Variants in ZNF385B observed in about 807,000 individuals in gnomAD.
The protein encoded by ZNF385B is zinc finger protein 533.
A neutral mutation model predicts 39.2 loss-of-function variants in ZNF385B; 23 were observed. That is an observed-to-expected ratio of 0.59 (90% confidence interval 0.42 to 0.83). The LOEUF is 0.83. ZNF385B is among the 40% of genes least tolerant of loss of function. ZNF385B has a pLI of 0.00. For synonymous variants in ZNF385B, 205 were observed against 222.6 expected (o/e 0.92, Z 0.70); for missense variants, 552 against 598.9 (o/e 0.92, Z 0.82).
At chr2:179,820,889 A>T (rs1707359189) in intron 1 of ZNF385B, among the ~76,000 whole-genome samples, 1 of 152,164 alleles carries the variant, frequency 6.6e-6, no homozygotes, top group African/African-American at 2.4e-5. Flanking sequence ...AAGACATTAA[A>T]ACCTTAATGA....
chr2:179,448,668 GA>G (rs1224769693), intron 6 of ZNF385B, among the ~76,000 whole-genome samples: 2 of 152,092 alleles, frequency 1.3e-5, no homozygotes, highest in African/African-American at 4.8e-5. Flanking sequence ...TCTTAAAGAT[GA>G]GGAAACTGAG....
intron 1 of ZNF385B, among the ~76,000 whole-genome samples, chr2:179,802,232 C>T (rs887233588): frequency 6.6e-6 from 1 of 152,034 alleles, no homozygotes; most frequent in African/African-American, 2.4e-5. Context: ...AAATAGACAG[C>T]CCTCTTCACA....
At chr2:179,607,908 C>CTTTTT (rs71029822) in intron 3 of ZNF385B, among the ~76,000 whole-genome samples, 11 of 97,460 alleles carry the variant, frequency 1.1e-4, no homozygotes, top group Non-Finnish European at 1.8e-4. Flanking sequence ...CTCAGAAACT[C>CTTTTT]TTTTTTTTTT....
intron 3 of ZNF385B, among the ~76,000 whole-genome samples, chr2:179,754,337 G>C (rs1382058654): frequency 6.6e-6 from 1 of 152,202 alleles, no homozygotes; most frequent in East Asian, 1.9e-4. Context: ...CGGTGTGCCA[G>C]TATTTTATTG....
chr2:179,732,965 A>G (rs1216777340), intron 3 of ZNF385B, among the ~76,000 whole-genome samples: 1 of 152,172 alleles, frequency 6.6e-6, no homozygotes, highest in Non-Finnish European at 1.5e-5. Flanking sequence ...TTCATTTCCA[A>G]CACAAAGCTG....
At chr2:179,733,072 T>C (rs575291762) in intron 3 of ZNF385B, among the ~76,000 whole-genome samples, 1 of 152,318 alleles carries the variant, frequency 6.6e-6, no homozygotes, top group Admixed American at 6.5e-5. Flanking sequence ...TGTACAATCA[T>C]GAATTCTTGC....
chr2:179,777,504 A>C (rs184747139), intron 1 of ZNF385B, among the ~76,000 whole-genome samples: 2,568 of 152,242 alleles, frequency 0.017, 39 homozygotes, highest in South Asian at 0.024. Context: ...CTATAAACAA[A>C]TACTATTAGG....
chr2:179,485,296 C>G (rs2105609717), intron 5 of ZNF385B, among the ~76,000 whole-genome samples: 1 of 152,290 alleles, frequency 6.6e-6, no homozygotes, highest in African/African-American at 2.4e-5. Context: ...CTGCCCTTTG[C>G]TTAAGTGGAA....
Position 179,787,650 on chromosome 2 carries a change from C to A in ZNF385B, c.-154-16978G>T, listed in dbSNP as rs192345209. Among the ~76,000 whole-genome samples, 279 of 152,202 alleles carry A rather than the reference C, an allele frequency of 1.8e-3. 1 individual carries two copies. The highest frequency in any genetic ancestry group is 6.4e-3 in the African/African-American group (267 of 41,546). On this transcript the variant is annotated intron_variant, in intron 1 of 9. Transcript: ENST00000410066. ...AAAATATTTCTTCTTAAAGACTGTC[C>A]TCCTCTTCAACTCGTTGAAACGGTC...
chr2:179,829,094 G>A (rs1177694586), intron 1 of ZNF385B, among the ~76,000 whole-genome samples: 2 of 151,310 alleles, frequency 1.3e-5, no homozygotes, highest in Non-Finnish European at 2.9e-5. Context: ...TTTTAATTAA[G>A]GAATACAACC....
At chr2:179,859,100 G>A (rs1684835117) in intron 1 of ZNF385B, among the ~76,000 whole-genome samples, 2 of 152,042 alleles carry the variant, frequency 1.3e-5, no homozygotes, top group South Asian at 4.2e-4. Context: ...AGAATGCTGA[G>A]AGCACCTGAT....
chr2:179,624,341 T>C (rs1246336981), intron 3 of ZNF385B, among the ~76,000 whole-genome samples: 1 of 152,166 alleles, frequency 6.6e-6, no homozygotes, highest in Non-Finnish European at 1.5e-5. Flanking sequence ...TAGGATGTTC[T>C]TTACTATGAA....
intron 1 of ZNF385B, among the ~76,000 whole-genome samples, chr2:179,775,968 T>G (rs1164364329): frequency 6.6e-6 from 1 of 152,204 alleles, no homozygotes; most frequent in Non-Finnish European, 1.5e-5. Context: ...GGGAGATGAA[T>G]GTGTTCAAGC....
intron 6 of ZNF385B, among the ~76,000 whole-genome samples, chr2:179,469,905 G>A (rs1574300845): frequency 6.6e-6 from 1 of 152,192 alleles, no homozygotes; most frequent in African/African-American, 2.4e-5. Flanking sequence ...GTGGGTGACT[G>A]GATTAGGCAT....
At chr2:179,857,650 G>A (rs1048823108) in intron 1 of ZNF385B, among the ~76,000 whole-genome samples, 2 of 152,172 alleles carry the variant, frequency 1.3e-5, no homozygotes, top group Non-Finnish European at 2.9e-5. Flanking sequence ...CGATGCCTCA[G>A]GACTACTAAG....
At chr2:179,822,108 A>G (rs1472228841) in intron 1 of ZNF385B, among the ~76,000 whole-genome samples, 1 of 152,204 alleles carries the variant, frequency 6.6e-6, no homozygotes, top group Non-Finnish European at 1.5e-5. Flanking sequence ...CATGAAAAAA[A>G]TTTCCTACAC....
chr2:179,559,174 C>A (rs2061154973), intron 3 of ZNF385B, among the ~76,000 whole-genome samples: 1 of 152,086 alleles, frequency 6.6e-6, no homozygotes, highest in Non-Finnish European at 1.5e-5. Flanking sequence ...TAGAGTAGAG[C>A]AAAAACTGCA....
chr2:179,748,541 C>T (rs975782192), intron 3 of ZNF385B, among the ~76,000 whole-genome samples: 2 of 151,964 alleles, frequency 1.3e-5, no homozygotes, highest in African/African-American at 4.8e-5. Flanking sequence ...ATAACCTTTG[C>T]CTTATGAAGT....
chr2:179,798,212 T>C (rs1471990868), intron 1 of ZNF385B, among the ~76,000 whole-genome samples: 1 of 152,054 alleles, frequency 6.6e-6, no homozygotes, highest in Non-Finnish European at 1.5e-5. Context: ...AATGGACTCC[T>C]GAGACACAAA....
Sources: allele counts gnomAD v4.1 joint callset (sites outside exome capture counted in the v4.1 genomes callset), GRCh38; gene constraint gnomAD v4.1.1; transcripts MANE v1.5; gene names NCBI Gene and HGNC (gene_info 2026-07-23, HGNC 2026-07-21).